The following GRM8 variants were observed in gnomAD, a reference collection of about 807,000 sequenced individuals.
GRM8 encodes glutamate metabotropic receptor 8, also known as metabotropic glutamate receptor 8.
GRM8 carries 47 observed loss-of-function variants against 87.2 expected under a neutral mutation model. The observed-to-expected ratio is 0.54, with a 90% CI of 0.43 to 0.69. The LOEUF (loss-of-function observed/expected upper bound fraction) is 0.69. Ranked by LOEUF, GRM8 falls within the 30% of genes least tolerant of loss-of-function variation. The pLI is 0.00. For missense variants in GRM8, 1,019 were observed against 1,139.2 expected, an observed-to-expected ratio of 0.89 and a Z score of 1.52; for synonymous variants, 396 against 404.5, an observed-to-expected ratio of 0.98 and a Z score of 0.25.
chr7:127,138,138 G>C (rs1047558535), intron 2 of GRM8, among the ~76,000 whole-genome samples: 1 of 152,174 alleles, frequency 6.6e-6, no homozygotes. Context: ...TAGCACAAGA[G>C]AGGTTCCACA....
intron 2 of GRM8, among the ~76,000 whole-genome samples, chr7:127,127,347 C>T (rs755799691): frequency 6.6e-6 from 1 of 152,020 alleles, no homozygotes; most frequent in Non-Finnish European, 1.5e-5. Flanking sequence ...ATGTTCACTA[C>T]AATTTTATTC....
At chr7:126,678,342 A>T (rs1397250142) in intron 7 of GRM8, among the ~76,000 whole-genome samples, 3 of 152,202 alleles carry the variant, frequency 2.0e-5, no homozygotes, top group Non-Finnish European at 4.4e-5. Context: ...GAAAACAAAG[A>T]ATACCGTGGA....
chr7:126,791,784 A>G (rs551860605), intron 6 of GRM8, among the ~76,000 whole-genome samples: 70 of 152,322 alleles, frequency 4.6e-4, no homozygotes, highest in South Asian at 1.2e-3. Context: ...ACCCTAAAAC[A>G]GATAAACATC....
chr7:126,936,731 A>G (rs1321804587), intron 3 of GRM8, among the ~76,000 whole-genome samples: 7 of 152,166 alleles, frequency 4.6e-5, no homozygotes, highest in Admixed American at 4.6e-4. Flanking sequence ...AGCCAGTTTC[A>G]GTGCTGCAGC....
At chr7:127,010,933 G>A (rs1356819857) in intron 3 of GRM8, among the ~76,000 whole-genome samples, 1 of 152,110 alleles carries the variant, frequency 6.6e-6, no homozygotes, top group Non-Finnish European at 1.5e-5. Flanking sequence ...AAAGGAGGGA[G>A]AAGAGGAAGA....
intron 2 of GRM8, among the ~76,000 whole-genome samples, chr7:127,178,051 C>G (rs1794220105): frequency 6.6e-6 from 1 of 152,164 alleles, no homozygotes; most frequent in Non-Finnish European, 1.5e-5. Flanking sequence ...TTAATCTAAT[C>G]AGGGAAGGAC....
intron 8 of GRM8, among the ~76,000 whole-genome samples, chr7:126,599,663 C>A (rs1290762172): frequency 6.6e-6 from 1 of 152,134 alleles, no homozygotes; most frequent in East Asian, 1.9e-4. Flanking sequence ...TACACCAACA[C>A]AGTTCTCTAG....
At chr7:126,647,390 T>C (rs1185733559) in intron 7 of GRM8, among the ~76,000 whole-genome samples, 2 of 151,266 alleles carry the variant, frequency 1.3e-5, no homozygotes, top group Non-Finnish European at 2.9e-5. Context: ...TATCTATTTA[T>C]ATATCTATAT....
rs776894552 is a variant in GRM8, at chr7:126,965,161, C to T, written c.728-60478G>A. Among the ~76,000 whole-genome samples, 24 of 151,822 alleles carry T rather than the reference C, an allele frequency of 1.6e-4. 1 individual carries two copies. In the Middle Eastern group the frequency reaches 0.01, roughly 65 times the overall value. ...ATATCACATACCAGGTCCTGTCAGG[C>T]GGTTGGGGGGTCAGAGGAGGGATAG... is the stretch of plus-strand genomic sequence containing the variant. On this transcript the variant is annotated intron_variant, in intron 3 of 10. Transcript: ENST00000339582.
At chr7:126,446,044 A>C (rs1199869764) in intron 10 of GRM8, 82 bp downstream of exon 10, 4 of 1,537,618 alleles carry the variant, frequency 2.6e-6, no homozygotes, top group Non-Finnish European at 3.6e-6. Context: ...ACAATCCCCA[A>C]GACTAGGAGA....
intron 7 of GRM8, among the ~76,000 whole-genome samples, chr7:126,671,090 A>AAAAAT (rs1806330308): frequency 6.6e-6 from 1 of 152,200 alleles, no homozygotes; most frequent in African/African-American, 2.4e-5. Flanking sequence ...GTCAATCTTG[A>AAAAAT]CTTGCAGAGC....
At chr7:126,808,306 T>C (rs1792966743) in intron 6 of GRM8, among the ~76,000 whole-genome samples, 1 of 152,116 alleles carries the variant, frequency 6.6e-6, no homozygotes, top group South Asian at 2.1e-4. Flanking sequence ...ACCCATCACC[T>C]ACCGAAAAGG....
At chr7:127,117,861 A>C (rs1317230493) in intron 2 of GRM8, among the ~76,000 whole-genome samples, 1 of 152,244 alleles carries the variant, frequency 6.6e-6, no homozygotes, top group Non-Finnish European at 1.5e-5. Flanking sequence ...GTCAGTAATT[A>C]TAACTAACAA....
At position 127,242,982 on chromosome 7, in the gene GRM8, T is replaced by G; in HGVS notation, c.223A>C (p.Arg75=). ...ATTGCATAAAGCATGGCCTCCAGTCTGTGAATCCCCTTTTCCTTCTTCAGC... is the reference window on the plus strand; with the variant it reads ...ATTGCATAAAGCATGGCCTCCAGTCGGTGAATCCCCTTTTCCTTCTTCAGC... ...GELKKEKGIH[R]LEAMLYAIDQ... The change falls in exon 2 of 11, where the codon AGA becomes CGA. Residue 75 remains arginine, a synonymous_variant. Coordinates refer to ENST00000339582, the MANE Select transcript of GRM8 (RefSeq NM_000845.3). 2 of 1,614,138 alleles carry G rather than the reference T, an allele frequency of 1.2e-6. No individual in the cohort carries two copies. Among genetic ancestry groups the G allele is most frequent in the Non-Finnish European group, 1.7e-6 (2 of 1,180,012 alleles).
At chr7:127,169,932 C>T (rs1302510402) in intron 2 of GRM8, among the ~76,000 whole-genome samples, 1 of 152,142 alleles carries the variant, frequency 6.6e-6, no homozygotes, top group Non-Finnish European at 1.5e-5. Context: ...TAACTGGTCA[C>T]CCAGGAGCTC....
At chr7:127,055,071 G>A (rs756014824) in intron 3 of GRM8, among the ~76,000 whole-genome samples, 1 of 152,048 alleles carries the variant, frequency 6.6e-6, no homozygotes, top group Non-Finnish European at 1.5e-5. Flanking sequence ...TTTTCTCAGA[G>A]AGGTGAGATT....
At chr7:126,894,635 G>A (rs1010179323) in intron 6 of GRM8, among the ~76,000 whole-genome samples, 4 of 151,922 alleles carry the variant, frequency 2.6e-5, no homozygotes, top group African/African-American at 7.2e-5. Context: ...GAAGTCAGGC[G>A]GTTCACAAAG....
chr7:126,571,327 G>C (rs562668480), intron 8 of GRM8, among the ~76,000 whole-genome samples: 19 of 152,224 alleles, frequency 1.2e-4, no homozygotes, highest in South Asian at 4.1e-4. Context: ...GAACCCCATG[G>C]AGACACAGCA....
chr7:127,022,093 T>C (rs934387097), intron 3 of GRM8, among the ~76,000 whole-genome samples: 1 of 152,086 alleles, frequency 6.6e-6, no homozygotes, highest in African/African-American at 2.4e-5. Flanking sequence ...AACATCATAG[T>C]AAGCCATAGT....
Sources: allele counts gnomAD v4.1 joint callset (sites outside exome capture counted in the v4.1 genomes callset), GRCh38; gene constraint gnomAD v4.1.1; transcripts MANE v1.5; gene names NCBI Gene and HGNC (gene_info 2026-07-23, HGNC 2026-07-21).